Variants in RASA3 observed in about 807,000 individuals in gnomAD.
RASA3 encodes ras GTPase-activating protein 3.
Under a neutral mutation model 110.0 loss-of-function variants are expected in RASA3, and 73 were observed. That is an observed-to-expected ratio of 0.66 (90% confidence interval 0.55 to 0.81). The LOEUF (loss-of-function observed/expected upper bound fraction) is 0.81. RASA3 is among the 30% of genes least tolerant of loss of function. The pLI is 0.00. For missense variants in RASA3, 976 were observed against 1,113.2 expected (o/e 0.88, Z 1.75); for synonymous variants, 500 against 451.4 (o/e 1.11, Z -1.37).
At chr13:114,062,994 C>G (rs541243678) in intron 2 of RASA3, among the ~76,000 whole-genome samples, 10 of 152,312 alleles carry the variant, frequency 6.6e-5, no homozygotes, top group African/African-American at 2.4e-4. Flanking sequence ...TCTGCCGCCC[C>G]AGGAGAGGCT....
At position 114,091,945 on chromosome 13, in the gene RASA3, T is replaced by C. The variant is rs558386672; in HGVS notation, c.56-18108A>G. ...AGGAATTTATAAAATTTCTCTAGGT[T>C]TTCTAATGTATTGGTGTATAGCTGT... is the stretch of plus-strand genomic sequence containing the variant. On this transcript the variant is annotated intron_variant, in intron 1 of 23. Coordinates refer to ENST00000334062, the MANE Select transcript of RASA3 (RefSeq NM_007368.4). 1.2e-4 allele frequency among the ~76,000 whole-genome samples: 19 copies of C among 152,264 alleles called. No individual in the cohort carries two copies. The East Asian group carries it at 3.7e-3, about 29-fold the overall frequency.
intron 22 of RASA3, among the ~76,000 whole-genome samples, chr13:113,990,759 G>A (rs915297437): frequency 7.9e-5 from 12 of 152,248 alleles, no homozygotes; most frequent in African/African-American, 1.9e-4. Context: ...ACATGTGAGC[G>A]TGTTGTGTTC....
At chr13:113,997,320 T>G (rs1001018992) in intron 20 of RASA3, among the ~76,000 whole-genome samples, 2 of 152,154 alleles carry the variant, frequency 1.3e-5, no homozygotes, top group African/African-American at 4.8e-5. Flanking sequence ...ACCAGCACTC[T>G]CCTATGTCCC....
At position 113,979,289 on chromosome 13, in the gene RASA3, A is replaced by G; in HGVS notation, c.*58T>C. The G allele has an allele frequency of 6.8e-7, 1 of 1,470,504 alleles. No homozygotes were observed. The highest frequency in any genetic ancestry group is 9.5e-7 in the Non-Finnish European group (1 of 1,050,680). The allele number at this position is 1,470,504 out of a possible 1,614,324, so 91.1% of individuals were successfully genotyped here. A position where few individuals can be genotyped will look rare whatever the true frequency, so the allele number is the denominator to read the frequency against. On this transcript the variant is annotated 3_prime_UTR_variant, in exon 24 of 24. Coordinates refer to ENST00000334062, the MANE Select transcript of RASA3 (RefSeq NM_007368.4). ...CGCTCTTCCTTCTCTTCTCCCTCCC[A>G]AAGGCTGCGGCTTTGCATGGGCAGC...
intron 20 of RASA3, among the ~76,000 whole-genome samples, chr13:113,997,168 T>G (rs1308439878): frequency 6.6e-6 from 1 of 152,198 alleles, no homozygotes; most frequent in Non-Finnish European, 1.5e-5. Flanking sequence ...TGGCCCGGCC[T>G]GCTCAGCTCC....
At chr13:114,130,542 G>A (rs1055444023) in intron 1 of RASA3, among the ~76,000 whole-genome samples, 4 of 152,198 alleles carry the variant, frequency 2.6e-5, no homozygotes, top group Non-Finnish European at 4.4e-5. Context: ...TGACCCCCAC[G>A]CCTGTCGGAA....
At chr13:114,081,307 A>G (rs951638386) in intron 1 of RASA3, among the ~76,000 whole-genome samples, 1 of 152,088 alleles carries the variant, frequency 6.6e-6, no homozygotes, top group African/African-American at 2.4e-5. Flanking sequence ...CCTTGGAGCC[A>G]GGTCAGCCAG....
At chr13:114,032,500 C>T (rs1262669380) in intron 4 of RASA3, among the ~76,000 whole-genome samples, 4 of 152,134 alleles carry the variant, frequency 2.6e-5, no homozygotes, top group Non-Finnish European at 5.9e-5. Context: ...TGTGAACCCT[C>T]GGGGTGCCTG....
intron 10 of RASA3, 150 bp downstream of exon 10, chr13:114,018,613 C>A: frequency 1.0e-6 from 1 of 1,001,370 alleles, no homozygotes; most frequent in Non-Finnish European, 1.4e-6. Context: ...GGGGTCCAGG[C>A]ATCTGGACGG....
intron 1 of RASA3, among the ~76,000 whole-genome samples, chr13:114,129,180 G>A (rs1348329114): frequency 6.6e-6 from 1 of 152,222 alleles, no homozygotes; most frequent in African/African-American, 2.4e-5. Flanking sequence ...CTTCCTCAAA[G>A]CAGCGATCGC....
rs1328873568 is a variant in RASA3, at chr13:114,048,054, G to A, written c.277+3998C>T. Among the ~76,000 whole-genome samples, 6 of 152,276 alleles carry A rather than the reference G, an allele frequency of 3.9e-5. No individual in the cohort carries two copies. Among genetic ancestry groups the A allele is most frequent in the Admixed American group, 2.0e-4 (3 of 15,312 alleles). On this transcript the variant is annotated intron_variant, in intron 3 of 23. Coordinates refer to ENST00000334062, the MANE Select transcript of RASA3 (RefSeq NM_007368.4). The surrounding 1 kb of genome is among the most constrained non-coding windows in gnomAD (Gnocchi z 4.3). ...GTCTCGGCCGGGCGCGGTGGCTCAC[G>A]CCTGTAATCCCAGCACTTTGGGAGG...
At chr13:114,031,774 C>A (rs915260104) in intron 4 of RASA3, among the ~76,000 whole-genome samples, 1 of 152,248 alleles carries the variant, frequency 6.6e-6, no homozygotes, top group African/African-American at 2.4e-5. Context: ...GCCCTTAGCT[C>A]TAGCTCCTGA....
At chr13:114,020,456 C>G (rs370445788) in intron 9 of RASA3, among the ~76,000 whole-genome samples, 2 of 152,198 alleles carry the variant, frequency 1.3e-5, no homozygotes, top group African/African-American at 4.8e-5. Context: ...GGCCTGTGCC[C>G]GTGCCGTCTT....
intron 4 of RASA3, among the ~76,000 whole-genome samples, chr13:114,030,544 ACTCACACAGACAGCAAGG>A (rs1448820595): frequency 2.9e-5 from 3 of 103,148 alleles, no homozygotes; most frequent in African/African-American, 7.3e-5. Flanking sequence ...AGAGGGCAAG[ACTCACACAGACAGCAAGG>A]CTCACGGGGG....
At chr13:114,041,933 G>A (rs1176817050) in intron 3 of RASA3, among the ~76,000 whole-genome samples, 1 of 152,186 alleles carries the variant, frequency 6.6e-6, no homozygotes, top group East Asian at 1.9e-4. Context: ...ACCACCACAG[G>A]TCCCTGGGCA....
intron 1 of RASA3, among the ~76,000 whole-genome samples, chr13:114,110,676 C>T (rs2080205471): frequency 2.0e-5 from 3 of 152,228 alleles, no homozygotes; most frequent in South Asian, 2.1e-4. Flanking sequence ...CTGTGAGGAC[C>T]GACAGCCCCT....
At chr13:113,990,185 G>T (rs1252396987) in intron 22 of RASA3, among the ~76,000 whole-genome samples, 2 of 152,146 alleles carry the variant, frequency 1.3e-5, no homozygotes, top group Admixed American at 6.5e-5. Flanking sequence ...TTCCTGTACA[G>T]CCTGCAGAAC....
intron 1 of RASA3, among the ~76,000 whole-genome samples, chr13:114,080,442 G>A (rs2079765637): frequency 6.6e-6 from 1 of 152,160 alleles, no homozygotes; most frequent in African/African-American, 2.4e-5. Context: ...GTCTCCTTGA[G>A]AGCACCTCCA....
chr13:114,049,296 C>A (rs776263057), intron 3 of RASA3, among the ~76,000 whole-genome samples: 8 of 152,188 alleles, frequency 5.3e-5, no homozygotes, highest in Non-Finnish European at 8.8e-5. Flanking sequence ...ACATAATTAC[C>A]ATCATAAAGA....
Sources: gnomAD v4.1 joint callset for allele counts (sites outside exome capture counted in the v4.1 genomes callset) on GRCh38, gnomAD v4.1.1 for gene constraint, Gnocchi (gnomAD v3.1) non-coding constraint, MANE v1.5 for transcripts, NCBI Gene and HGNC (gene_info 2026-07-23, HGNC 2026-07-21) for gene names.